The following SEMA6D variants were observed in gnomAD, a reference collection of about 807,000 sequenced individuals.
SEMA6D encodes semaphorin-6D.
A neutral mutation model predicts 106.6 loss-of-function variants in SEMA6D; 35 were observed. That is an observed-to-expected ratio of 0.33 (90% CI 0.25 to 0.44). The LOEUF is 0.44. Among genes scored for constraint, SEMA6D ranks in the 20% least tolerant of loss-of-function variants. SEMA6D has a pLI of 1.00. For synonymous variants in SEMA6D, 499 were observed against 487.7 expected (o/e 1.02, Z -0.31); for missense variants, 1,185 against 1,345.9 (o/e 0.88, Z 1.87).
intron 1 of SEMA6D, among the ~76,000 whole-genome samples, chr15:47,315,860 T>C (rs73401043): frequency 0.016 from 2,419 of 152,200 alleles, 69 homozygotes; most frequent in African/African-American, 0.055. Flanking sequence ...ATTTAAATAG[T>C]ATTGCATTTT....
At chr15:47,335,022 C>T (rs2037494056) in intron 1 of SEMA6D, among the ~76,000 whole-genome samples, 1 of 152,122 alleles carries the variant, frequency 6.6e-6, no homozygotes, top group Admixed American at 6.6e-5. Context: ...GAGCTCAGGC[C>T]TCTAGCCTGA....
chr15:47,438,437 C>T (rs1470521729), intron 2 of SEMA6D, among the ~76,000 whole-genome samples: 1 of 152,098 alleles, frequency 6.6e-6, no homozygotes, highest in Non-Finnish European at 1.5e-5. Flanking sequence ...TCACCTTGCA[C>T]ACAGTAAAAG....
intron 3 of SEMA6D, among the ~76,000 whole-genome samples, chr15:47,486,676 T>C (rs2043306234): frequency 6.6e-6 from 1 of 152,260 alleles, no homozygotes; most frequent in African/African-American, 2.4e-5. Context: ...AGCATACTCA[T>C]ATGTTAATGA....
intron 1 of SEMA6D, among the ~76,000 whole-genome samples, chr15:47,295,726 A>G (rs182353256): frequency 8.9e-4 from 136 of 152,380 alleles, no homozygotes; most frequent in African/African-American, 3.2e-3. Flanking sequence ...AGATACAAAC[A>G]TAATCAGAGT....
chr15:47,609,107 C>G (rs1226462899), intron 4 of SEMA6D, among the ~76,000 whole-genome samples: 1 of 152,138 alleles, frequency 6.6e-6, no homozygotes, highest in Non-Finnish European at 1.5e-5. Context: ...GACTGTCAGA[C>G]TTGGGACATT....
intron 1 of SEMA6D, among the ~76,000 whole-genome samples, chr15:47,395,939 T>G (rs2040199645): frequency 6.6e-6 from 1 of 152,198 alleles, no homozygotes; most frequent in Admixed American, 6.5e-5. Flanking sequence ...CAATGTGATA[T>G]TAGTAGGAGA....
intron 1 of SEMA6D, among the ~76,000 whole-genome samples, chr15:47,726,049 TGTTTA>T (rs772064595): frequency 6.6e-6 from 1 of 152,254 alleles, no homozygotes; most frequent in African/African-American, 2.4e-5. Context: ...GCAGAGAACC[TGTTTA>T]GTTTAGTAAT....
chr15:47,547,654 A>G (rs1232900773), intron 3 of SEMA6D, among the ~76,000 whole-genome samples: 1 of 152,154 alleles, frequency 6.6e-6, no homozygotes, highest in Non-Finnish European at 1.5e-5. Flanking sequence ...TGTTATCTGC[A>G]CTTGAAAATA....
chr15:47,234,640 C>T (rs941329671), intron 1 of SEMA6D, among the ~76,000 whole-genome samples: 1 of 151,968 alleles, frequency 6.6e-6, no homozygotes. Context: ...GGAATAATGG[C>T]CTCCAGCTCC....
At position 47,763,905 on chromosome 15, in the gene SEMA6D, G is replaced by A. The variant is rs867652868; in HGVS notation, c.803G>A (p.Arg268Gln). ...AAAAACGACATGGGTGGTTCCCAGC[G>A]GGTCCTGGAGAAACACTGGACTTCA... ...ICKNDMGGSQRVLEKHWTSFL... is the reference protein window; with the variant it reads ...ICKNDMGGSQQVLEKHWTSFL... Residue 268 changes from arginine (R) to glutamine (Q), a missense_variant, in exon 10 of 19, where the codon CGG becomes CAG. By Grantham distance (43) the Arg-to-Gln change is conservative. Around this residue, in one of 3 missense-constraint regions of SEMA6D, gnomAD observed 291 missense variants for 423.8 expected, o/e 0.69. Transcript: ENST00000536845. The A allele has an allele frequency of 6.2e-7, 1 of 1,613,840 alleles. No individual in the cohort carries two copies. Among genetic ancestry groups the A allele is most frequent in the Non-Finnish European group, 8.5e-7 (1 of 1,179,872 alleles).
intron 1 of SEMA6D, among the ~76,000 whole-genome samples, chr15:47,371,903 T>G (rs1480820276): frequency 1.3e-5 from 2 of 152,184 alleles, no homozygotes; most frequent in African/African-American, 4.8e-5. Flanking sequence ...GACACAGCAG[T>G]TATACTTTCC....
At chr15:47,365,923 GAAAAGAA>G (rs2039009429) in intron 1 of SEMA6D, among the ~76,000 whole-genome samples, 1 of 128,278 alleles carries the variant, frequency 7.8e-6, no homozygotes, top group African/African-American at 2.9e-5. Flanking sequence ...GAGAGAGAGA[GAAAAGAA>G]AGAAAGAGAA....
chr15:47,477,829 A>G (rs1350142936), intron 3 of SEMA6D, among the ~76,000 whole-genome samples: 1 of 152,166 alleles, frequency 6.6e-6, no homozygotes, highest in African/African-American at 2.4e-5. Flanking sequence ...ATTGTGATGT[A>G]ATCTAGAAAA....
chr15:47,601,097 T>TGAGAGAGA (rs144757309), intron 4 of SEMA6D, among the ~76,000 whole-genome samples: 2 of 148,106 alleles, frequency 1.4e-5, no homozygotes, highest in African/African-American at 5.0e-5. Flanking sequence ...AGAGAGAGAA[T>TGAGAGAGA]GAGAGAGAGA....
intron 4 of SEMA6D, among the ~76,000 whole-genome samples, chr15:47,649,238 T>C (rs1026329961): frequency 3.9e-5 from 6 of 152,094 alleles, no homozygotes; most frequent in African/African-American, 1.4e-4. Context: ...TTGAGCCAGA[T>C]AGACAGATGG....
At chr15:47,544,044 T>A (rs1001092898) in intron 3 of SEMA6D, among the ~76,000 whole-genome samples, 11 of 152,144 alleles carry the variant, frequency 7.2e-5, no homozygotes. Context: ...TTAAAGAAGT[T>A]TGGTTAATTT....
chr15:47,639,646 A>G (rs1272732049), intron 4 of SEMA6D, among the ~76,000 whole-genome samples: 1 of 152,232 alleles, frequency 6.6e-6, no homozygotes, highest in Non-Finnish European at 1.5e-5. Flanking sequence ...CTAGGCCAAT[A>G]TCAACAGTCA....
chr15:47,564,998 C>T (rs1280576029), intron 3 of SEMA6D, among the ~76,000 whole-genome samples: 3 of 152,174 alleles, frequency 2.0e-5, no homozygotes, highest in Non-Finnish European at 4.4e-5. Flanking sequence ...TTCCCTTTCC[C>T]ACTGAGAGCA....
At chr15:47,260,025 A>T (rs2033998179) in intron 1 of SEMA6D, among the ~76,000 whole-genome samples, 1 of 148,064 alleles carries the variant, frequency 6.8e-6, no homozygotes, top group African/African-American at 2.5e-5. Context: ...TGGTTATTGT[A>T]TTTCCAGTTC....
Sources: gnomAD v4.1 joint callset for allele counts (sites outside exome capture counted in the v4.1 genomes callset) on GRCh38, gnomAD v4.1.1 for gene constraint, gnomAD v4.1.1 regional missense constraint, MANE v1.5 for transcripts, NCBI Gene and HGNC (gene_info 2026-07-23, HGNC 2026-07-21) for gene names.